Variants in CNTN5 observed in about 807,000 individuals in gnomAD.
The protein encoded by CNTN5 is contactin-5.
A neutral mutation model predicts 129.1 loss-of-function variants in CNTN5; 77 were observed. The observed-to-expected ratio is 0.60, with a 90% CI of 0.50 to 0.72. The LOEUF (loss-of-function observed/expected upper bound fraction) is 0.72, where lower values mean the gene tolerates loss of function less well. CNTN5 is among the 30% of genes least tolerant of loss of function. The probability of loss-of-function intolerance (pLI) is 0.00; values close to 1 mark genes in which losing one functional copy is unlikely to be tolerated. For missense variants in CNTN5, 1,478 were observed against 1,328.8 expected, an observed-to-expected ratio of 1.11 and a Z score of -1.75; for synonymous variants, 509 against 465.6, an observed-to-expected ratio of 1.09 and a Z score of -1.20.
intron 3 of CNTN5, among the ~76,000 whole-genome samples, chr11:99,694,419 A>G (rs889321313): frequency 1.3e-5 from 2 of 152,166 alleles, no homozygotes; most frequent in African/African-American, 2.4e-5. Context: ...GCCTTTACAG[A>G]AAAAAAGTGC....
intron 2 of CNTN5, among the ~76,000 whole-genome samples, chr11:99,551,805 A>G (rs1301466228): frequency 1.3e-5 from 2 of 152,172 alleles, no homozygotes; most frequent in Non-Finnish European, 1.5e-5. Context: ...AGAAAATATA[A>G]TTATCTTATG....
intron 3 of CNTN5, among the ~76,000 whole-genome samples, chr11:99,666,311 A>G (rs1161896883): frequency 6.6e-6 from 1 of 152,166 alleles, no homozygotes; most frequent in African/African-American, 2.4e-5. Context: ...CCCAGTCTAC[A>G]ACAGAAAGTG....
intron 23 of CNTN5, among the ~76,000 whole-genome samples, chr11:100,345,124 A>T (rs1257833785): frequency 6.6e-6 from 1 of 152,154 alleles, no homozygotes; most frequent in Non-Finnish European, 1.5e-5. Context: ...GGACTGGGTT[A>T]TTTATAAAAA....
At chr11:99,347,144 G>C (rs561464539) in intron 2 of CNTN5, among the ~76,000 whole-genome samples, 100 of 152,258 alleles carry the variant, frequency 6.6e-4, no homozygotes, top group African/African-American at 2.4e-3. Context: ...ATTCCTTCAA[G>C]TAGTCCTTGT....
chr11:99,031,891 T>G (rs1163408425), intron 1 of CNTN5, among the ~76,000 whole-genome samples: 1 of 149,700 alleles, frequency 6.7e-6, no homozygotes, highest in African/African-American at 2.4e-5. Flanking sequence ...GCATTAGGTA[T>G]ATCTCCCAAT....
In CNTN5 at chr11:100,101,148, G is replaced by A. The variant is rs562417280; in HGVS notation, c.1580+26854G>A. ...GGCCTTTCATACCTTTAGAATACAG[G>A]ATAAAAATGGAGATTTGCATCAACT... On this transcript the variant is annotated intron_variant, in intron 13 of 24. Coordinates refer to ENST00000524871, the MANE Select transcript of CNTN5 (RefSeq NM_014361.4). 2.0e-3 allele frequency among the ~76,000 whole-genome samples: 302 copies of A among 152,194 alleles called. 2 individuals carry two copies. Among genetic ancestry groups the A allele is most frequent in the African/African-American group, 7.1e-3 (296 of 41,564 alleles).
chr11:99,569,252 C>T (rs1374544176), intron 3 of CNTN5, among the ~76,000 whole-genome samples: 1 of 152,140 alleles, frequency 6.6e-6, no homozygotes, highest in Non-Finnish European at 1.5e-5. Flanking sequence ...CAGGACCTAG[C>T]ATAATCCTTG....
At chr11:99,494,751 G>A (rs1946162621) in intron 2 of CNTN5, among the ~76,000 whole-genome samples, 1 of 152,066 alleles carries the variant, frequency 6.6e-6, no homozygotes. Context: ...CTCATTTTTA[G>A]CTCCAAGTAA....
intron 1 of CNTN5, among the ~76,000 whole-genome samples, chr11:99,048,030 T>C (rs1462350171): frequency 6.6e-6 from 1 of 152,128 alleles, no homozygotes; most frequent in East Asian, 1.9e-4. Flanking sequence ...TTTTCCAAAA[T>C]ATAATTGGAA....
At chr11:99,176,873 T>C (rs1857798801) in intron 1 of CNTN5, among the ~76,000 whole-genome samples, 1 of 152,186 alleles carries the variant, frequency 6.6e-6, no homozygotes, top group East Asian at 1.9e-4. Context: ...AATTCTTCAG[T>C]GACTTCCATT....
At chr11:99,390,186 TA>T in intron 2 of CNTN5, among the ~76,000 whole-genome samples, 1 of 151,966 alleles carries the variant, frequency 6.6e-6, no homozygotes, top group African/African-American at 2.4e-5. Context: ...GGCACAATCA[TA>T]GCTTACTGTA....
intron 1 of CNTN5, among the ~76,000 whole-genome samples, chr11:99,096,483 A>G (rs921079794): frequency 6.6e-6 from 1 of 151,828 alleles, no homozygotes; most frequent in Non-Finnish European, 1.5e-5. Context: ...GCAGAATATA[A>G]TATTGCCACA....
chr11:99,991,139 G>T (rs1356779127), intron 8 of CNTN5, among the ~76,000 whole-genome samples: 1 of 152,182 alleles, frequency 6.6e-6, no homozygotes, highest in Non-Finnish European at 1.5e-5. Flanking sequence ...GTCACCATTG[G>T]TTATGCTTGG....
chr11:99,646,880 A>T (rs1951983787), intron 3 of CNTN5, among the ~76,000 whole-genome samples: 1 of 150,404 alleles, frequency 6.6e-6, no homozygotes, highest in Non-Finnish European at 1.5e-5. Flanking sequence ...TTACAAGTAG[A>T]TGATTGGCTT....
intron 15 of CNTN5, among the ~76,000 whole-genome samples, chr11:100,203,260 T>C (rs950801261): frequency 2.6e-5 from 4 of 152,094 alleles, no homozygotes; most frequent in Non-Finnish European, 5.9e-5. Context: ...TTCTTCTGGC[T>C]GCTGCAATTG....
intron 1 of CNTN5, among the ~76,000 whole-genome samples, chr11:99,213,163 C>T (rs1859893817): frequency 1.3e-5 from 2 of 149,820 alleles, no homozygotes; most frequent in South Asian, 4.2e-4. Flanking sequence ...TGCACTCCAG[C>T]CAGGGCGACA....
Position 100,256,324 on chromosome 11 carries a change from C to T in CNTN5, c.2164+406C>T, listed in dbSNP as rs1435470806. Reference sequence around the variant, plus strand: ...AGATTCAGACCTTATTAGGATCTCACTAGTTTTGATATGCAATTGTTTTAG... The same window carrying T: ...AGATTCAGACCTTATTAGGATCTCATTAGTTTTGATATGCAATTGTTTTAG... On this transcript the variant is annotated intron_variant, in intron 17 of 24. Transcript: ENST00000524871. 2.6e-5 allele frequency among the ~76,000 whole-genome samples: 4 copies of T among 152,074 alleles called. No individual in the cohort carries two copies. The East Asian group carries it at 7.7e-4, about 29-fold the overall frequency.
intron 8 of CNTN5, among the ~76,000 whole-genome samples, chr11:99,977,328 C>G (rs889461387): frequency 6.6e-6 from 1 of 152,158 alleles, no homozygotes; most frequent in Non-Finnish European, 1.5e-5. Context: ...TTGAGCCCTC[C>G]AAACTGTTCC....
chr11:99,278,381 C>A (rs920600691), intron 1 of CNTN5, among the ~76,000 whole-genome samples: 1 of 151,416 alleles, frequency 6.6e-6, no homozygotes, highest in African/African-American at 2.4e-5. Context: ...CAAGTTTGTC[C>A]TTTTTCAGAA....
Sources: gnomAD v4.1 joint callset for allele counts (sites outside exome capture counted in the v4.1 genomes callset) on GRCh38, gnomAD v4.1.1 for gene constraint, MANE v1.5 for transcripts, NCBI Gene and HGNC (gene_info 2026-07-23, HGNC 2026-07-21) for gene names.